CNTNAP2: variants seen among roughly 807,000 people sequenced by gnomAD.
CNTNAP2 encodes the protein contactin associated protein 2.
Under a neutral mutation model 155.2 loss-of-function variants are expected in CNTNAP2, and 98 were observed. The ratio of observed to expected loss-of-function variants is 0.63; its 90% CI spans 0.54 to 0.75. The LOEUF is 0.75. Ranked by LOEUF, CNTNAP2 falls within the 30% of genes least tolerant of loss-of-function variation. The pLI is 0.00. For missense variants in CNTNAP2, 1,727 were observed against 1,688.1 expected (o/e 1.02, Z -0.40); for synonymous variants, 651 against 631.2 (o/e 1.03, Z -0.47).
At chr7:146,621,106 T>C (rs528831683) in intron 1 of CNTNAP2, among the ~76,000 whole-genome samples, 4 of 152,332 alleles carry the variant, frequency 2.6e-5, no homozygotes, top group Admixed American at 1.3e-4. Flanking sequence ...GAGCGAAATT[T>C]AAGAAGGCAT....
intron 8 of CNTNAP2, among the ~76,000 whole-genome samples, chr7:147,203,013 A>G (rs1478627007): frequency 6.6e-6 from 1 of 151,838 alleles, no homozygotes; most frequent in Non-Finnish European, 1.5e-5. Flanking sequence ...CAGGAAAAAA[A>G]AAAGCTTCAA....
intron 1 of CNTNAP2, among the ~76,000 whole-genome samples, chr7:146,468,443 A>C (rs1796747027): frequency 6.6e-6 from 1 of 151,156 alleles, no homozygotes; most frequent in Non-Finnish European, 1.5e-5. Context: ...AAAGTCAGGA[A>C]GAAAAAAAAA....
At chr7:146,889,632 C>A (rs899268774) in intron 3 of CNTNAP2, among the ~76,000 whole-genome samples, 5 of 151,998 alleles carry the variant, frequency 3.3e-5, no homozygotes, top group African/African-American at 1.2e-4. Context: ...GAATCGAAAC[C>A]ACTGAATCTT....
chr7:147,713,593 T>G (rs1796435500), intron 13 of CNTNAP2, among the ~76,000 whole-genome samples: 2 of 152,320 alleles, frequency 1.3e-5, no homozygotes, highest in Admixed American at 6.5e-5. Context: ...ATAAAGCCAC[T>G]ATAAACATTC....
At chr7:148,124,283 T>A (rs1804666561) in intron 16 of CNTNAP2, among the ~76,000 whole-genome samples, 1 of 152,196 alleles carries the variant, frequency 6.6e-6, no homozygotes, top group South Asian at 2.1e-4. Context: ...CGTTTGTTTG[T>A]TAGTATTTTT....
At chr7:147,183,276 A>G (rs1442113188) in intron 8 of CNTNAP2, among the ~76,000 whole-genome samples, 1 of 152,354 alleles carries the variant, frequency 6.6e-6, no homozygotes, top group Non-Finnish European at 1.5e-5. Context: ...AGTCATCAAT[A>G]CTGTTTTGAA....
intron 3 of CNTNAP2, among the ~76,000 whole-genome samples, chr7:147,014,032 A>T (rs1477317178): frequency 6.6e-6 from 1 of 152,170 alleles, no homozygotes; most frequent in Non-Finnish European, 1.5e-5. Flanking sequence ...GGAAAAAGGG[A>T]TGTTTGTGGC....
intron 13 of CNTNAP2, among the ~76,000 whole-genome samples, chr7:147,719,252 T>C (rs948739281): frequency 1.3e-5 from 2 of 152,098 alleles, no homozygotes; most frequent in African/African-American, 4.8e-5. Context: ...CTACTCCAAC[T>C]GCAAACAAGC....
chr7:146,792,078 A>G (rs1802684904), intron 2 of CNTNAP2, among the ~76,000 whole-genome samples: 2 of 152,218 alleles, frequency 1.3e-5, no homozygotes, highest in Admixed American at 1.3e-4. Flanking sequence ...CTGTTGCCGA[A>G]TGAGAATTCT....
chr7:146,696,225 G>A (rs1072972), intron 1 of CNTNAP2, among the ~76,000 whole-genome samples: 121,508 of 152,122 alleles, frequency 0.8, 49,575 homozygotes, highest in South Asian at 0.93. Flanking sequence ...ACCTATTCAG[G>A]TTATTTATTT....
chr7:146,697,342 A>G (rs905501015), intron 1 of CNTNAP2, among the ~76,000 whole-genome samples: 6 of 151,964 alleles, frequency 3.9e-5, no homozygotes, highest in Non-Finnish European at 4.4e-5. Context: ...GGCTCAAACA[A>G]TTCTCCCTGC....
intron 1 of CNTNAP2, among the ~76,000 whole-genome samples, chr7:146,771,326 G>A (rs1802290336): frequency 6.6e-6 from 1 of 152,172 alleles, no homozygotes. Context: ...ATGAACATGA[G>A]TGAATGTTAG....
At position 148,409,879 on chromosome 7, in the gene CNTNAP2, G is replaced by C. The variant is rs1349537268; in HGVS notation, c.3796+408G>C. Among the ~76,000 whole-genome samples the C allele has an allele frequency of 3.3e-5, 3 of 91,838 alleles. 1 individual carries two copies. The highest frequency in any genetic ancestry group is 2.5e-4 in the Admixed American group (3 of 11,794). The allele number at this position is 91,838 out of a possible 152,430, so 60.2% of individuals were successfully genotyped here. On this transcript the variant is annotated intron_variant, in intron 23 of 23. Transcript: ENST00000361727. ...ATCTTGGCTAACACGGTGAAACCCC[G>C]TCTCTACTAAAAATACAAAAAATTA...
chr7:146,461,106 A>G (rs1796629587), intron 1 of CNTNAP2, among the ~76,000 whole-genome samples: 1 of 152,084 alleles, frequency 6.6e-6, no homozygotes, highest in Non-Finnish European at 1.5e-5. Flanking sequence ...TTTATTTGTT[A>G]ATAATACCTT....
chr7:148,023,840 C>T (rs574373628), intron 15 of CNTNAP2, among the ~76,000 whole-genome samples: 1 of 152,222 alleles, frequency 6.6e-6, no homozygotes, highest in African/African-American at 2.4e-5. Context: ...GTTGGAAAGT[C>T]CTGTAACTCT....
intron 2 of CNTNAP2, among the ~76,000 whole-genome samples, chr7:146,815,911 C>A (rs1175434543): frequency 1.3e-5 from 2 of 152,094 alleles, no homozygotes; most frequent in Non-Finnish European, 2.9e-5. Flanking sequence ...CCTCTCTGCT[C>A]CCCCAACCCC....
chr7:148,371,926 C>T lies in CNTNAP2; in HGVS notation c.3476-11723C>T, dbSNP rs375151081. Among the ~76,000 whole-genome samples, 501 of 147,520 alleles carry T rather than the reference C, an allele frequency of 3.4e-3. 6 individuals are homozygous for T. The highest frequency in any genetic ancestry group is 0.011 in the African/African-American group (454 of 40,266). On this transcript the variant is annotated intron_variant, in intron 21 of 23. Transcript: ENST00000361727. ...ATATAAAAGATAAAAATTGGCTGGG[C>T]GTGGTGGCTCATGCCTGTAATCCCG...
intron 3 of CNTNAP2, among the ~76,000 whole-genome samples, chr7:146,981,520 GC>G (rs1798017344): frequency 6.6e-6 from 1 of 152,086 alleles, no homozygotes; most frequent in Non-Finnish European, 1.5e-5. Context: ...GTGATACGTA[GC>G]CCATTAAAAA....
intron 13 of CNTNAP2, among the ~76,000 whole-genome samples, chr7:147,652,357 G>C (rs2116942084): frequency 6.6e-6 from 1 of 151,926 alleles, no homozygotes; most frequent in East Asian, 1.9e-4. Flanking sequence ...TTTCTCTCTT[G>C]GTATTGGACC....
Sources: gnomAD v4.1 joint callset for allele counts (sites outside exome capture counted in the v4.1 genomes callset) on GRCh38, gnomAD v4.1.1 for gene constraint, MANE v1.5 for transcripts, NCBI Gene and HGNC (gene_info 2026-07-23, HGNC 2026-07-21) for gene names.